Variants in NDST3 observed in about 807,000 individuals in gnomAD.
The protein encoded by NDST3 is N-deacetylase and N-sulfotransferase 3, also known as bifunctional heparan sulfate N-deacetylase/N-sulfotransferase 3.
A neutral mutation model predicts 96.1 loss-of-function variants in NDST3; 58 were observed. The observed-to-expected ratio is 0.60, with a 90% CI of 0.49 to 0.75. The LOEUF is 0.75. NDST3 is among the 30% of genes least tolerant of loss of function. The probability of loss-of-function intolerance (pLI) is 0.00; values close to 1 mark genes in which losing one functional copy is unlikely to be tolerated. For synonymous variants in NDST3, 333 were observed against 359.7 expected (o/e 0.93, Z 0.84); for missense variants, 788 against 1,034.2 (o/e 0.76, Z 3.27).
chr4:118,035,783 G>T (rs980698100), intron 1 of NDST3, among the ~76,000 whole-genome samples: 3 of 151,806 alleles, frequency 2.0e-5, no homozygotes, highest in African/African-American at 7.3e-5. Flanking sequence ...TAAAACAGAA[G>T]ATTTGTTTCT....
At chr4:118,201,274 G>A (rs987958125) in intron 6 of NDST3, among the ~76,000 whole-genome samples, 1 of 152,208 alleles carries the variant, frequency 6.6e-6, no homozygotes, top group Non-Finnish European at 1.5e-5. Flanking sequence ...TTGGTAGAAT[G>A]ATTTATTTTC....
chr4:118,184,409 T>C lies in NDST3; in HGVS notation c.1540-40082T>C, dbSNP rs1425745618. 2.0e-5 allele frequency among the ~76,000 whole-genome samples: 3 copies of C among 152,170 alleles called. No homozygotes were observed. The South Asian group carries it at 6.2e-4, about 32-fold the overall frequency. ...CTTAAAAGCCTTAATAGAAAAAGAC[T>C]GACCTCCCCAGAAGAGGAAATTCTC... On this transcript the variant is annotated intron_variant, in intron 6 of 13. Transcript: ENST00000296499.
At chr4:118,241,733 C>T (rs1741020079) in intron 11 of NDST3, among the ~76,000 whole-genome samples, 1 of 152,168 alleles carries the variant, frequency 6.6e-6, no homozygotes, top group Non-Finnish European at 1.5e-5. Flanking sequence ...ACTGCTTTGT[C>T]TGTTTTGAAA....
chr4:118,108,334 T>C (rs1730371259), intron 3 of NDST3, among the ~76,000 whole-genome samples: 2 of 152,234 alleles, frequency 1.3e-5, no homozygotes, highest in African/African-American at 4.8e-5. Context: ...CTTTGCATTT[T>C]ATAACATATA....
At chr4:118,193,754 T>G in intron 6 of NDST3, 1 of 1,469,208 alleles carries the variant, frequency 6.8e-7, no homozygotes, top group African/African-American at 1.4e-5. Context: ...CAGGGCCTTG[T>G]TACAGCTTTC....
chr4:118,035,408 G>A (rs577150733), intron 1 of NDST3, among the ~76,000 whole-genome samples: 7 of 149,696 alleles, frequency 4.7e-5, no homozygotes, highest in Non-Finnish European at 1.0e-4. Context: ...TGAGATGTGT[G>A]CAACTGATCT....
intron 2 of NDST3, among the ~76,000 whole-genome samples, chr4:118,055,829 T>G (rs941182532): frequency 4.6e-5 from 7 of 151,936 alleles, no homozygotes; most frequent in African/African-American, 1.4e-4. Flanking sequence ...TTGAAAACTT[T>G]GTTCTTTTCT....
At chr4:118,104,206 T>A (rs754705575) in intron 2 of NDST3, among the ~76,000 whole-genome samples, 3 of 152,120 alleles carry the variant, frequency 2.0e-5, no homozygotes. Context: ...ACTAATTTCA[T>A]CTATGAAAGA....
At chr4:118,169,105 A>G (rs1054041310) in intron 6 of NDST3, among the ~76,000 whole-genome samples, 4 of 151,234 alleles carry the variant, frequency 2.6e-5, no homozygotes, top group Non-Finnish European at 5.9e-5. Context: ...ATTTCATGTT[A>G]TATTGTTGTA....
chr4:118,195,293 T>C (rs1737597820), intron 6 of NDST3, among the ~76,000 whole-genome samples: 1 of 152,160 alleles, frequency 6.6e-6, no homozygotes, highest in Non-Finnish European at 1.5e-5. Flanking sequence ...TAGTCTCCAC[T>C]TGTCAAGGGT....
At chr4:118,161,920 C>A (rs1225576367) in intron 6 of NDST3, among the ~76,000 whole-genome samples, 6 of 152,150 alleles carry the variant, frequency 3.9e-5, no homozygotes, top group South Asian at 2.1e-4. Context: ...GTGAGATGAA[C>A]CCGGTACCTC....
intron 6 of NDST3, among the ~76,000 whole-genome samples, chr4:118,217,059 G>A (rs1460490278): frequency 6.6e-6 from 1 of 152,074 alleles, no homozygotes; most frequent in African/African-American, 2.4e-5. Context: ...GGGGCTCTAG[G>A]GCTTGCATTT....
intron 6 of NDST3, among the ~76,000 whole-genome samples, chr4:118,144,031 C>T (rs1733763303): frequency 6.6e-6 from 1 of 152,034 alleles, no homozygotes. Flanking sequence ...ACAACAGTTA[C>T]CTCTATTATT....
chr4:118,094,364 C>T (rs761459930), intron 2 of NDST3, among the ~76,000 whole-genome samples: 1 of 151,778 alleles, frequency 6.6e-6, no homozygotes, highest in Non-Finnish European at 1.5e-5. Context: ...AATCTAAAGC[C>T]ACATTAAGAG....
intron 6 of NDST3, among the ~76,000 whole-genome samples, chr4:118,212,128 A>G (rs927422664): frequency 1.3e-5 from 2 of 152,198 alleles, no homozygotes; most frequent in Non-Finnish European, 2.9e-5. Context: ...AGTTGGGTTC[A>G]CAATGCAAAT....
intron 1 of NDST3, among the ~76,000 whole-genome samples, chr4:118,046,854 G>A (rs1039731029): frequency 3.3e-5 from 5 of 152,116 alleles, no homozygotes; most frequent in African/African-American, 1.2e-4. Context: ...CCCTCCACAG[G>A]ATTTGCCAGG....
chr4:118,098,956 T>C (rs865864654), intron 2 of NDST3, among the ~76,000 whole-genome samples: 6 of 152,148 alleles, frequency 3.9e-5, no homozygotes, highest in Non-Finnish European at 7.4e-5. Context: ...TAATGGAACA[T>C]GGAATTTTCT....
chr4:118,190,960 C>T (rs1478083152), intron 6 of NDST3, among the ~76,000 whole-genome samples: 1 of 152,174 alleles, frequency 6.6e-6, no homozygotes, highest in East Asian at 1.9e-4. Flanking sequence ...TACAAACACA[C>T]AGACAGAAGC....
chr4:118,242,751 T>G (rs1741085993), intron 12 of NDST3, among the ~76,000 whole-genome samples: 1 of 152,056 alleles, frequency 6.6e-6, no homozygotes, highest in Non-Finnish European at 1.5e-5. Context: ...GTTTGTATGG[T>G]TTTTTGCTGG....
Sources: allele counts gnomAD v4.1 joint callset (sites outside exome capture counted in the v4.1 genomes callset), GRCh38; gene constraint gnomAD v4.1.1; transcripts MANE v1.5; gene names NCBI Gene and HGNC (gene_info 2026-07-23, HGNC 2026-07-21).